Variants in ANKFY1 observed in about 807,000 individuals in gnomAD.
ANKFY1 encodes ankyrin repeat and FYVE domain containing 1.
ANKFY1 carries 47 observed loss-of-function variants against 128.3 expected under a neutral mutation model. That is an observed-to-expected ratio of 0.37 (90% CI 0.29 to 0.47). The LOEUF (loss-of-function observed/expected upper bound fraction) is 0.47, where lower values mean the gene tolerates loss of function less well. Among genes scored for constraint, ANKFY1 ranks in the 20% least tolerant of loss-of-function variants. The pLI is 1.00. For missense variants in ANKFY1, 1,222 were observed against 1,510.6 expected (o/e 0.81, Z 3.17); for synonymous variants, 553 against 601.6 (o/e 0.92, Z 1.18).
chr17:4,202,981 C>CATATATATATATATATAT (rs56774221), intron 7 of ANKFY1, among the ~76,000 whole-genome samples: 28 of 146,292 alleles, frequency 1.9e-4, no homozygotes, highest in African/African-American at 7.0e-4. Context: ...TAATCATACA[C>CATATATATATATATATAT]ATATATATAT....
At chr17:4,259,374 G>C (rs749574650) in intron 1 of ANKFY1, among the ~76,000 whole-genome samples, 2 of 152,110 alleles carry the variant, frequency 1.3e-5, no homozygotes, top group Non-Finnish European at 2.9e-5. Flanking sequence ...TCCACCTTCC[G>C]GGTTCAAGTG....
At chr17:4,184,131 C>CT (rs1308276299) in intron 12 of ANKFY1, among the ~76,000 whole-genome samples, 1 of 152,202 alleles carries the variant, frequency 6.6e-6, no homozygotes, top group Non-Finnish European at 1.5e-5. Flanking sequence ...AAAACACTGA[C>CT]TCTTCACGTA....
At chr17:4,250,294 C>A (rs1444475070) in intron 1 of ANKFY1, among the ~76,000 whole-genome samples, 1 of 152,230 alleles carries the variant, frequency 6.6e-6, no homozygotes, top group South Asian at 2.1e-4. Flanking sequence ...ATAAACTCGA[C>A]AAGTCCAAAA....
At chr17:4,211,615 C>A (rs546146384) in intron 4 of ANKFY1, among the ~76,000 whole-genome samples, 7 of 152,066 alleles carry the variant, frequency 4.6e-5, no homozygotes, top group African/African-American at 1.7e-4. Flanking sequence ...CACCTGTAAT[C>A]CCAGCACTCT....
chr17:4,201,213 G>A (rs9906624), intron 7 of ANKFY1, among the ~76,000 whole-genome samples: 4,953 of 152,232 alleles, frequency 0.033, 262 homozygotes, highest in African/African-American at 0.11. Context: ...AAATATTTTT[G>A]TAGAGGTGAG....
intron 4 of ANKFY1, among the ~76,000 whole-genome samples, chr17:4,213,228 C>T (rs982379168): frequency 2.0e-5 from 3 of 149,982 alleles, no homozygotes; most frequent in East Asian, 4.0e-4. Flanking sequence ...TGTGCTCTGT[C>T]GCCCAGGCTG....
intron 7 of ANKFY1, among the ~76,000 whole-genome samples, chr17:4,199,294 T>G (rs1411201655): frequency 3.3e-5 from 5 of 152,326 alleles, no homozygotes; most frequent in Admixed American, 2.6e-4. Context: ...GCTCAGAGGA[T>G]TCTCCTAACT....
At chr17:4,260,798 A>G (rs1968376706) in intron 1 of ANKFY1, among the ~76,000 whole-genome samples, 1 of 152,148 alleles carries the variant, frequency 6.6e-6, no homozygotes, top group South Asian at 2.1e-4. Context: ...AACAAGTCAC[A>G]TAAGAAGCTG....
chr17:4,240,998 T>G (rs1356179664), intron 2 of ANKFY1, among the ~76,000 whole-genome samples: 1 of 152,002 alleles, frequency 6.6e-6, no homozygotes, highest in East Asian at 1.9e-4. Context: ...ACCTCAAAAC[T>G]CACTTAATAA....
chr17:4,170,098 G>A (rs761290337), intron 23 of ANKFY1, among the ~76,000 whole-genome samples: 3 of 152,172 alleles, frequency 2.0e-5, no homozygotes, highest in Non-Finnish European at 2.9e-5. Flanking sequence ...CCTTCAACCC[G>A]ACTCCACCAC....
In ANKFY1 at chr17:4,172,560, G is replaced by A. The variant is rs1463102459; in HGVS notation, c.3135C>T (p.Ser1045=). Reference sequence around the variant, plus strand: ...TACCCAGCCCTTGGTACACACCCGTGCTGCCGTCTGCATCCGGCTTGTCCA... The same window carrying A: ...TACCCAGCCCTTGGTACACACCCGTACTGCCGTCTGCATCCGGCTTGTCCA... ...YPLDKPDADG[S]TVLLLAYMKG... The change falls in exon 22 of 25, where the codon AGC becomes AGT. Residue 1045 remains serine, a synonymous_variant. Transcript: ENST00000341657. 3.7e-6 allele frequency: 6 copies of A among 1,613,514 alleles called. No individual in the cohort carries two copies. Among genetic ancestry groups the A allele is most frequent in the East Asian group, 2.2e-5 (1 of 44,876 alleles).
intron 7 of ANKFY1, among the ~76,000 whole-genome samples, chr17:4,201,666 G>A (rs898375005): frequency 6.6e-6 from 1 of 152,122 alleles, no homozygotes; most frequent in Non-Finnish European, 1.5e-5. Flanking sequence ...CCCTTCTCTT[G>A]AAATATTTTC....
Position 4,212,956 on chromosome 17 carries a change from T to C in ANKFY1, c.459-3009A>G, listed in dbSNP as rs372205873. Among the ~76,000 whole-genome samples, 6 of 151,488 alleles carry C rather than the reference T, an allele frequency of 4.0e-5. No homozygotes were observed. The East Asian group carries it at 1.2e-3, about 30-fold the overall frequency. Reference sequence around the variant, plus strand: ...CAGCTAATTTTTGTATTTTTTTTTTTAGTAGAGACGGGGTTTCCCCATGTT... The same window carrying C: ...CAGCTAATTTTTGTATTTTTTTTTTCAGTAGAGACGGGGTTTCCCCATGTT... On this transcript the variant is annotated intron_variant, in intron 4 of 24. Coordinates refer to ENST00000341657, the MANE Select transcript of ANKFY1 (RefSeq NM_001330063.2).
At chr17:4,186,108 G>A (rs2059606183) in intron 11 of ANKFY1, among the ~76,000 whole-genome samples, 1 of 152,096 alleles carries the variant, frequency 6.6e-6, no homozygotes, top group Admixed American at 6.5e-5. Flanking sequence ...AACCCTCCCA[G>A]GAAAACACAC....
chr17:4,235,911 C>T (rs1376942699), intron 2 of ANKFY1, 21 bp from the exon 3 acceptor site: 5 of 1,547,860 alleles, frequency 3.2e-6, no homozygotes, highest in African/African-American at 2.7e-5. Flanking sequence ...AAAAGATCCA[C>T]ATATATTAGA....
chr17:4,173,437 A>T lies in ANKFY1; in HGVS notation c.2931T>A (p.His977Gln). The T allele has an allele frequency of 6.2e-7, 1 of 1,614,126 alleles. No individual in the cohort carries two copies. The highest frequency in any genetic ancestry group is 8.5e-7 in the Non-Finnish European group (1 of 1,179,954). ...TGAGCCGGCCGTGCATGACAGCAAG[A>T]TGAAGAGCTGGGAAGTAAATCCTCT... is the stretch of plus-strand genomic sequence containing the variant. ...AVDENGNNALHLAVMHGRLNN... is the reference protein window; with the variant it reads ...AVDENGNNALQLAVMHGRLNN... The change falls in exon 21 of 25, where the codon CAT becomes CAA. Residue 977 changes from histidine to glutamine, a missense_variant. His to Gln is a conservative substitution (Grantham distance 24). Transcript: ENST00000341657.
chr17:4,192,316 G>A (rs2059731984), intron 10 of ANKFY1, among the ~76,000 whole-genome samples: 1 of 143,084 alleles, frequency 7.0e-6, no homozygotes. Context: ...CTCTAATCTG[G>A]AGACTCTTAG....
chr17:4,263,546 G>A (rs891644946), intron 1 of ANKFY1: 2 of 1,437,740 alleles, frequency 1.4e-6, no homozygotes, highest in Middle Eastern at 1.8e-4. Flanking sequence ...CCTTCCGGAT[G>A]CAGAACGTGC....
intron 7 of ANKFY1, among the ~76,000 whole-genome samples, chr17:4,200,082 G>A (rs1292276782): frequency 1.4e-5 from 2 of 140,526 alleles, no homozygotes; most frequent in African/African-American, 5.1e-5. Context: ...TTGTTTTTGA[G>A]ACAGGGTCTC....
Sources: gnomAD v4.1 joint callset for allele counts (sites outside exome capture counted in the v4.1 genomes callset) on GRCh38, gnomAD v4.1.1 for gene constraint, MANE v1.5 for transcripts, NCBI Gene and HGNC (gene_info 2026-07-23, HGNC 2026-07-21) for gene names.